Variants in TENM4 observed in about 807,000 individuals in gnomAD.
TENM4 encodes the protein teneurin transmembrane protein 4, also known as teneurin-4.
In TENM4, 82 loss-of-function variants were observed where a neutral mutation model predicts 243.3. The observed-to-expected ratio is 0.34, with a 90% CI of 0.28 to 0.40. The LOEUF (loss-of-function observed/expected upper bound fraction) is 0.40, where lower values mean the gene tolerates loss of function less well. TENM4 is among the 10% of genes least tolerant of loss of function. The pLI is 1.00. For missense variants in TENM4, 3,138 were observed against 3,673.3 expected (o/e 0.85, Z 3.77); for synonymous variants, 1,412 against 1,456.3 (o/e 0.97, Z 0.69).
At chr11:79,357,950 G>A (rs1857524937) in intron 1 of TENM4, among the ~76,000 whole-genome samples, 1 of 152,164 alleles carries the variant, frequency 6.6e-6, no homozygotes, top group African/African-American at 2.4e-5. Context: ...GTATCACTAT[G>A]CATTAGGCTA....
At chr11:79,020,099 A>G (rs1858887660) in intron 6 of TENM4, among the ~76,000 whole-genome samples, 1 of 152,232 alleles carries the variant, frequency 6.6e-6, no homozygotes, top group African/African-American at 2.4e-5. Context: ...TTTGTTAAAT[A>G]GAACAGATCA....
intron 1 of TENM4, among the ~76,000 whole-genome samples, chr11:79,388,573 G>T (rs1272886023): frequency 6.6e-6 from 1 of 152,160 alleles, no homozygotes; most frequent in African/African-American, 2.4e-5. Flanking sequence ...GCGTAAGAGT[G>T]GGGCCTCGTG....
chr11:78,834,645 T>C (rs1229961790), intron 12 of TENM4, among the ~76,000 whole-genome samples: 1 of 152,228 alleles, frequency 6.6e-6, no homozygotes, highest in Non-Finnish European at 1.5e-5. Context: ...GGATCTAGAA[T>C]GTCATTTTCA....
At chr11:79,260,754 C>G (rs900268834) in intron 2 of TENM4, among the ~76,000 whole-genome samples, 1 of 152,182 alleles carries the variant, frequency 6.6e-6, no homozygotes, top group African/African-American at 2.4e-5. Flanking sequence ...AAGGCTGTAC[C>G]TCATTACTGC....
At chr11:78,688,004 G>A in intron 29 of TENM4, 50 bp downstream of exon 29, 1 of 1,590,076 alleles carries the variant, frequency 6.3e-7, no homozygotes, top group African/African-American at 1.3e-5. Flanking sequence ...CCTCCAAAGG[G>A]GTCTTCCCAC....
At chr11:79,102,865 A>AT (rs928909769) in intron 4 of TENM4, among the ~76,000 whole-genome samples, 5 of 151,878 alleles carry the variant, frequency 3.3e-5, no homozygotes, top group African/African-American at 9.7e-5. Flanking sequence ...GTTCTTATGG[A>AT]TTTTTTTTAA....
intron 29 of TENM4, among the ~76,000 whole-genome samples, chr11:78,683,988 C>T (rs1210078604): frequency 6.6e-6 from 1 of 152,202 alleles, no homozygotes; most frequent in Non-Finnish European, 1.5e-5. Context: ...GCTTAAGACT[C>T]CCTCCAGGCT....
At chr11:78,860,095 A>T (rs981725751) in intron 10 of TENM4, among the ~76,000 whole-genome samples, 1 of 152,262 alleles carries the variant, frequency 6.6e-6, no homozygotes, top group Non-Finnish European at 1.5e-5. Context: ...CATTTAATTC[A>T]TATAAATAAG....
chr11:79,178,325 A>G, intron 3 of TENM4, among the ~76,000 whole-genome samples: 1 of 152,158 alleles, frequency 6.6e-6, no homozygotes, highest in Non-Finnish European at 1.5e-5. Context: ...AGAGGTCCAG[A>G]CTAGAGATAT....
intron 28 of TENM4, 112 bp downstream of exon 28, chr11:78,701,414 A>G (rs1859099093): frequency 7.6e-7 from 1 of 1,315,830 alleles, no homozygotes; most frequent in African/African-American, 1.5e-5. Context: ...ATTATAAGTA[A>G]TAGTTTTTAT....
rs768565409 is a variant in TENM4, at chr11:78,661,490, T to C, written c.7510A>G (p.Ile2504Val). 8 of 1,611,476 alleles carry C rather than the reference T, an allele frequency of 5.0e-6. No individual in the cohort carries two copies. Among genetic ancestry groups the C allele is most frequent in the Non-Finnish European group, 5.9e-6 (7 of 1,178,968 alleles). Residue 2504 changes from isoleucine (I) to valine (V), a missense_variant, in exon 33 of 34, where the codon ATC becomes GTC. Physicochemically the swap from Ile to Val is conservative, Grantham distance 29. Coordinates refer to ENST00000278550, the MANE Select transcript of TENM4 (RefSeq NM_001098816.3). ...MDAMEPSYEL[I>V]HTQMKTQEWD... Reference sequence around the variant, plus strand: ...TCCTGCGTTTTCATCTGTGTGTGGATGAGCTCGTAGGAGGGTTCCATGGCA... The same window carrying C: ...TCCTGCGTTTTCATCTGTGTGTGGACGAGCTCGTAGGAGGGTTCCATGGCA...
rs1466005284 is a variant in TENM4, at chr11:78,856,143, T to A, written c.1291A>T (p.Ile431Leu). 3.2e-6 allele frequency: 5 copies of A among 1,551,514 alleles called. No homozygotes were observed. The Admixed American group carries it at 9.8e-5, about 30-fold the overall frequency. ...PSSFFPEDSF[I>L]DSGEIDVGRR... is the part of the protein sequence containing the mutation. ...CCCACATCAATTTCTCCAGAATCTA[T>A]GAAACTGTCCTCTGGAAAGAAACTA... Residue 431 changes from isoleucine to leucine, a missense_variant, in exon 11 of 34, where the codon ATA becomes TTA. By Grantham distance (5) the Ile-to-Leu change is conservative (BLOSUM62 2). This residue lies in a region of TENM4 where 671 missense variants were observed against 614.1 expected (regional missense o/e 1.09). Transcript: ENST00000278550.
intron 3 of TENM4, among the ~76,000 whole-genome samples, chr11:79,185,217 G>A (rs150469554): frequency 0.01 from 1,550 of 152,178 alleles, 23 homozygotes; most frequent in African/African-American, 0.035. Flanking sequence ...GGGATTGTTT[G>A]AGCCCTGAGT....
intron 11 of TENM4, among the ~76,000 whole-genome samples, chr11:78,855,519 T>C (rs1377420300): frequency 6.6e-6 from 1 of 152,224 alleles, no homozygotes; most frequent in Non-Finnish European, 1.5e-5. Flanking sequence ...TTATAAATGT[T>C]ATTCTTCTTT....
rs1308028034 is a variant in TENM4, at chr11:79,438,695, A to T, written c.-321+1814T>A. On this transcript the variant is annotated intron_variant, in intron 1 of 33. Coordinates refer to ENST00000278550, the MANE Select transcript of TENM4 (RefSeq NM_001098816.3). The surrounding 1 kb of genome is among the most constrained non-coding windows in gnomAD (Gnocchi z 4.1). ...GGGCTTTGGGGCTCCCCAGGACACC[A>T]AGTCAGTTTCTGAAAACGGCGTTCC... is the stretch of plus-strand genomic sequence containing the variant. 6.6e-6 allele frequency among the ~76,000 whole-genome samples: 1 copy of T among 152,168 alleles called. No homozygotes were observed. The highest frequency in any genetic ancestry group is 1.5e-5 in the Non-Finnish European group (1 of 68,020).
intron 21 of TENM4, 40 bp from the exon 22 acceptor site, chr11:78,729,683 G>A (rs767951677): frequency 7.0e-6 from 11 of 1,561,134 alleles, no homozygotes; most frequent in African/African-American, 2.7e-5. Flanking sequence ...GACGGTCGTC[G>A]ACTCACCGAG....
intron 6 of TENM4, among the ~76,000 whole-genome samples, chr11:78,965,690 T>C (rs555284132): frequency 1.9e-4 from 29 of 152,346 alleles, no homozygotes; most frequent in Non-Finnish European, 3.8e-4. Context: ...TCCCTGTCTC[T>C]TCTTTCTCCT....
At chr11:79,142,490 A>C (rs182427294) in intron 4 of TENM4, among the ~76,000 whole-genome samples, 189 of 152,262 alleles carry the variant, frequency 1.2e-3, no homozygotes, top group Non-Finnish European at 1.6e-3. Flanking sequence ...AGAGGACACC[A>C]AAAAATAGAA....
chr11:79,402,045 G>T, intron 1 of TENM4: 1 of 468,302 alleles, frequency 2.1e-6, no homozygotes, highest in Admixed American at 2.0e-5. Context: ...GAAGCTCACA[G>T]TCTAGTTGTG....
Sources: allele counts gnomAD v4.1 joint callset (sites outside exome capture counted in the v4.1 genomes callset), GRCh38; gene constraint gnomAD v4.1.1; regional missense constraint gnomAD v4.1.1; non-coding constraint Gnocchi (gnomAD v3.1); transcripts MANE v1.5; gene names NCBI Gene and HGNC (gene_info 2026-07-23, HGNC 2026-07-21).